Variants in PRELID2 observed in about 807,000 individuals in gnomAD.
PRELID2 encodes the protein PRELI domain containing 2.
In PRELID2, 25 loss-of-function variants were observed where a neutral mutation model predicts 28.4. The ratio of observed to expected loss-of-function variants is 0.88; its 90% CI spans 0.64 to 1.23. PRELID2 has a LOEUF of 1.23. PRELID2 is among the 50% of genes most tolerant of loss of function. The probability of loss-of-function intolerance (pLI) is 0.00; values close to 1 mark genes in which losing one functional copy is unlikely to be tolerated. For synonymous variants in PRELID2, 76 were observed against 71.6 expected (o/e 1.06, Z -0.31); for missense variants, 201 against 214.4 (o/e 0.94, Z 0.39).
intron 1 of PRELID2, among the ~76,000 whole-genome samples, chr5:145,489,021 A>G (rs1752245642): frequency 6.6e-6 from 1 of 152,136 alleles, no homozygotes; most frequent in Admixed American, 6.5e-5. Context: ...AGGAATTTGA[A>G]TCTCAAAAAT....
the PRELID2 span, among the ~76,000 whole-genome samples, chr5:145,334,835 T>C: frequency 3.3e-5 from 5 of 151,776 alleles, 1 homozygote; most frequent in African/African-American, 1.2e-4. Flanking sequence ...GTGCAGTTTC[T>C]ACTGAGAAAT....
chr5:145,314,974 T>C, the PRELID2 span, among the ~76,000 whole-genome samples: 1 of 151,984 alleles, frequency 6.6e-6, no homozygotes, highest in Non-Finnish European at 1.5e-5. Context: ...TTATGATTTC[T>C]TTTGTTTTTT....
chr5:145,248,205 C>T, the PRELID2 span, among the ~76,000 whole-genome samples: 2 of 152,028 alleles, frequency 1.3e-5, no homozygotes, highest in Non-Finnish European at 2.9e-5. Flanking sequence ...TTCATTCCTT[C>T]GTTCCCCCCC....
chr5:145,665,986 T>TAAAAAA (rs79255272), intron 1 of PRELID2, among the ~76,000 whole-genome samples: 1 of 138,196 alleles, frequency 7.2e-6, no homozygotes, highest in African/African-American at 2.6e-5. Flanking sequence ...GTCTTTTTTT[T>TAAAAAA]AAAAAAAAAA....
Position 145,737,360 on chromosome 5 carries a change from A to C in PRELID2, n.70+27571T>G, listed in dbSNP as rs149506124. 1.5e-3 allele frequency among the ~76,000 whole-genome samples: 234 copies of C among 152,246 alleles called. 1 individual carries two copies. Among genetic ancestry groups the C allele is most frequent in the African/African-American group, 5.1e-3 (214 of 41,558 alleles). On this transcript the variant is annotated intron_variant and non_coding_transcript_variant, in intron 1 of 2. Coordinates refer to the PRELID2 transcript ENST00000510259. The stretch of plus-strand genomic sequence containing the variant: ...AAGTGGAACTTAAATAGAGGAATGC[A>C]CGCAAAGATTTCAACTTACAAAAAG...
At chr5:145,701,252 C>T (rs1251358506) in intron 1 of PRELID2, among the ~76,000 whole-genome samples, 4 of 152,190 alleles carry the variant, frequency 2.6e-5, no homozygotes, top group Non-Finnish European at 5.9e-5. Flanking sequence ...AGGAAGCATG[C>T]TTAACCTTCA....
the PRELID2 span, among the ~76,000 whole-genome samples, chr5:145,299,246 G>A: frequency 1.3e-5 from 2 of 151,882 alleles, no homozygotes; most frequent in African/African-American, 2.4e-5. Context: ...TTAATAATAT[G>A]TTCTTAGTAT....
the PRELID2 span, among the ~76,000 whole-genome samples, chr5:145,252,443 T>A: frequency 6.6e-6 from 1 of 152,194 alleles, no homozygotes; most frequent in Non-Finnish European, 1.5e-5. Context: ...CTCTGTGGTT[T>A]GATTTTCTCA....
the PRELID2 span, among the ~76,000 whole-genome samples, chr5:145,369,961 T>G: frequency 1.0e-4 from 9 of 86,470 alleles, no homozygotes; most frequent in East Asian, 2.5e-4. Flanking sequence ...TTTTAATGGG[T>G]TTTTTTTTTG....
intron 1 of PRELID2, among the ~76,000 whole-genome samples, chr5:145,618,873 T>G (rs923242755): frequency 1.3e-5 from 2 of 152,080 alleles, no homozygotes; most frequent in Non-Finnish European, 2.9e-5. Context: ...CTCTGGGGGA[T>G]AGGCATGAGG....
intron 5 of PRELID2, among the ~76,000 whole-genome samples, chr5:145,786,832 C>T (rs1752020903): frequency 6.6e-6 from 1 of 152,182 alleles, no homozygotes; most frequent in Admixed American, 6.5e-5. Context: ...TCTCCCACTA[C>T]TAAAATGGAT....
intron 1 of PRELID2, among the ~76,000 whole-genome samples, chr5:145,612,635 C>T (rs1753633559): frequency 6.6e-6 from 1 of 152,108 alleles, no homozygotes; most frequent in African/African-American, 2.4e-5. Flanking sequence ...CCCAAGCCCC[C>T]AAAGTCCATT....
rs192057239 is a variant in PRELID2, at chr5:145,581,407, T to C, written n.71-108092A>G. 2.4e-3 allele frequency among the ~76,000 whole-genome samples: 367 copies of C among 152,220 alleles called. 1 individual carries two copies. Among genetic ancestry groups the C allele is most frequent in the African/African-American group, 8.6e-3 (356 of 41,562 alleles). On this transcript the variant is annotated intron_variant and non_coding_transcript_variant, in intron 1 of 2. Transcript: ENST00000510259. Reference sequence around the variant, plus strand: ...GGTATTGCGCAGACATGCAAGGATATATGTGGGAGGTTTGCGTCTTCATTC... The same window carrying C: ...GGTATTGCGCAGACATGCAAGGATACATGTGGGAGGTTTGCGTCTTCATTC...
downstream of PRELID2, among the ~76,000 whole-genome samples, chr5:145,470,063 A>G (rs1752040199): frequency 6.6e-6 from 1 of 152,190 alleles, no homozygotes. Context: ...TAAGTAAACT[A>G]TAACACATCC....
intron 1 of PRELID2, among the ~76,000 whole-genome samples, chr5:145,834,238 T>C (rs960798799): frequency 2.0e-5 from 3 of 152,056 alleles, no homozygotes; most frequent in African/African-American, 7.2e-5. Flanking sequence ...TACAGTGAAA[T>C]ATGCAAAATC....
At chr5:145,575,695 A>G (rs1279067753) in intron 1 of PRELID2, among the ~76,000 whole-genome samples, 2 of 152,180 alleles carry the variant, frequency 1.3e-5, no homozygotes, top group East Asian at 3.9e-4. Flanking sequence ...TATTGAAAAT[A>G]ATCTATAAAA....
At chr5:145,359,292 C>T in the PRELID2 span, among the ~76,000 whole-genome samples, 4 of 152,110 alleles carry the variant, frequency 2.6e-5, no homozygotes, top group African/African-American at 9.7e-5. Context: ...TGCCAGAATA[C>T]CTAGTGCTAT....
intron 1 of PRELID2, among the ~76,000 whole-genome samples, chr5:145,639,435 A>G (rs1461224612): frequency 1.3e-5 from 2 of 152,234 alleles, no homozygotes; most frequent in Non-Finnish European, 2.9e-5. Context: ...GAATCTTCTT[A>G]TTAAAATGCC....
rs188815847 is a variant in PRELID2 at position 145,765,686 on chromosome 5, C to T, written c.475-686G>A. 3.9e-4 allele frequency among the ~76,000 whole-genome samples: 59 copies of T among 152,216 alleles called. No homozygotes were observed. The East Asian group carries it at 8.7e-3, about 22-fold the overall frequency. The stretch of plus-strand genomic sequence containing the variant: ...CCTTTGTTACAAGTGCATTGCAGTT[C>T]AAAAATCCCTTCCCGTACCCCATGA... On this transcript the variant is annotated intron_variant, in intron 5 of 6. Transcript: ENST00000683046.
Sources: allele counts gnomAD v4.1 joint callset (sites outside exome capture counted in the v4.1 genomes callset), GRCh38; gene constraint gnomAD v4.1.1; transcripts MANE v1.5; gene names NCBI Gene and HGNC (gene_info 2026-07-23, HGNC 2026-07-21).